The following PLCB4 variants were observed in gnomAD, a reference collection of about 807,000 sequenced individuals.
PLCB4 encodes the protein 1-phosphatidylinositol 4,5-bisphosphate phosphodiesterase beta-4.
Under a neutral mutation model 178.8 loss-of-function variants are expected in PLCB4, and 77 were observed. The ratio of observed to expected loss-of-function variants is 0.43; its 90% CI spans 0.36 to 0.52. PLCB4 has a LOEUF of 0.52. Ranked by LOEUF, PLCB4 falls within the 20% of genes least tolerant of loss-of-function variation. The probability of loss-of-function intolerance (pLI) is 0.00; values close to 1 mark genes in which losing one functional copy is unlikely to be tolerated. For synonymous variants in PLCB4, 496 were observed against 490.8 expected (o/e 1.01, Z -0.14); for missense variants, 1,024 against 1,453.4 (o/e 0.70, Z 4.80).
At chr20:9,226,341 T>C (rs1337273412) in intron 3 of PLCB4, among the ~76,000 whole-genome samples, 1 of 152,122 alleles carries the variant, frequency 6.6e-6, no homozygotes, top group Non-Finnish European at 1.5e-5. Flanking sequence ...GCATTGGAGG[T>C]ATGTTAAAGA....
intron 20 of PLCB4, among the ~76,000 whole-genome samples, chr20:9,403,142 A>G (rs1339459958): frequency 1.3e-5 from 2 of 152,198 alleles, no homozygotes; most frequent in Non-Finnish European, 2.9e-5. Flanking sequence ...CTGGTATATT[A>G]TCATCCTTTT....
intron 3 of PLCB4, among the ~76,000 whole-genome samples, chr20:9,242,680 G>T (rs996646159): frequency 6.6e-6 from 1 of 152,178 alleles, no homozygotes; most frequent in African/African-American, 2.4e-5. Flanking sequence ...GATTGGAGGT[G>T]CCTCTTTCTT....
At chr20:9,428,312 G>T (rs899592638) in intron 28 of PLCB4, among the ~76,000 whole-genome samples, 7 of 152,092 alleles carry the variant, frequency 4.6e-5, no homozygotes, top group Non-Finnish European at 2.9e-5. Context: ...GGCCTTTTCT[G>T]TACTACAGAA....
intron 3 of PLCB4, among the ~76,000 whole-genome samples, chr20:9,245,535 C>A (rs1020217605): frequency 1.8e-4 from 28 of 152,038 alleles, no homozygotes; most frequent in African/African-American, 6.0e-4. Flanking sequence ...GTGAGACCCA[C>A]AAAGAGGAGA....
intron 2 of PLCB4, among the ~76,000 whole-genome samples, chr20:9,206,292 CTTTTTTCTTTTTTTTTT>C (rs1207013545): frequency 1.1e-5 from 1 of 90,970 alleles, no homozygotes; most frequent in Non-Finnish European, 2.2e-5. Context: ...CCTTTTTTTT[CTTTTTTCTTTTTTTTTT>C]TTTTTTTTTT....
chr20:9,078,065 T>C (rs988665613), intron 1 of PLCB4, among the ~76,000 whole-genome samples: 2 of 152,132 alleles, frequency 1.3e-5, no homozygotes, highest in Non-Finnish European at 2.9e-5. Context: ...CACTGCAGCC[T>C]CATCTTCTGG....
chr20:9,102,744 G>GA (rs145521532), intron 2 of PLCB4, among the ~76,000 whole-genome samples: 3,354 of 152,164 alleles, frequency 0.022, 113 homozygotes, highest in African/African-American at 0.075. Context: ...CATATTTGGG[G>GA]GGGGGCTATA....
At chr20:9,358,467 G>A (rs942054465) in intron 7 of PLCB4, among the ~76,000 whole-genome samples, 1 of 152,144 alleles carries the variant, frequency 6.6e-6, no homozygotes, top group Admixed American at 6.6e-5. Flanking sequence ...GACTAAAGAC[G>A]AAAAATAATT....
chr20:9,230,474 T>A (rs1387431082), intron 3 of PLCB4, among the ~76,000 whole-genome samples: 1 of 152,098 alleles, frequency 6.6e-6, no homozygotes, highest in Non-Finnish European at 1.5e-5. Flanking sequence ...GGGGAATCTG[T>A]AGACTGAAAA....
intron 4 of PLCB4, among the ~76,000 whole-genome samples, chr20:9,313,734 A>C (rs1182955463): frequency 1.3e-5 from 2 of 152,194 alleles, no homozygotes; most frequent in Admixed American, 1.3e-4. Context: ...TGCAGTAAGT[A>C]CTGGCTTCAT....
intron 9 of PLCB4, among the ~76,000 whole-genome samples, chr20:9,369,788 A>G (rs1398167025): frequency 6.6e-6 from 1 of 152,218 alleles, no homozygotes; most frequent in African/African-American, 2.4e-5. Flanking sequence ...CAGCACTCTC[A>G]TTCAGAACTT....
intron 2 of PLCB4, among the ~76,000 whole-genome samples, chr20:9,208,427 G>A (rs2093637241): frequency 6.6e-6 from 1 of 151,898 alleles, no homozygotes; most frequent in African/African-American, 2.4e-5. Context: ...AACCAAACAT[G>A]TTTCTGAAGG....
intron 4 of PLCB4, among the ~76,000 whole-genome samples, chr20:9,323,706 C>T (rs2029875452): frequency 6.6e-6 from 1 of 152,134 alleles, no homozygotes; most frequent in Non-Finnish European, 1.5e-5. Context: ...CCAGGAGTCC[C>T]CTCATTGGAC....
intron 27 of PLCB4, 112 bp downstream of exon 27, chr20:9,421,573 T>G: frequency 1.2e-6 from 1 of 818,078 alleles, no homozygotes; most frequent in Non-Finnish European, 2.0e-6. Context: ...ATCTTCTTTT[T>G]CTCTTCTCCT....
chr20:9,417,971 T>C (rs2040368638), intron 25 of PLCB4, among the ~76,000 whole-genome samples: 1 of 152,184 alleles, frequency 6.6e-6, no homozygotes, highest in African/African-American at 2.4e-5. Flanking sequence ...AGACATCTTT[T>C]TATGTGCTTC....
At chr20:9,144,165 C>A (rs538403952) in intron 2 of PLCB4, among the ~76,000 whole-genome samples, 5 of 152,152 alleles carry the variant, frequency 3.3e-5, no homozygotes, top group Non-Finnish European at 7.4e-5. Context: ...GAAATAAATT[C>A]TTGAAAGTTT....
chr20:9,315,013 A>C (rs946909809), intron 4 of PLCB4, among the ~76,000 whole-genome samples: 2 of 152,064 alleles, frequency 1.3e-5, no homozygotes, highest in African/African-American at 2.4e-5. Flanking sequence ...CTGGGATTAC[A>C]AGCATGTGCC....
At chr20:9,420,869 T>C (rs998743085) in intron 26 of PLCB4, among the ~76,000 whole-genome samples, 5 of 152,256 alleles carry the variant, frequency 3.3e-5, no homozygotes, top group African/African-American at 1.2e-4. Context: ...TAGCTTCACT[T>C]TTCTGTGTGT....
intron 2 of PLCB4, among the ~76,000 whole-genome samples, chr20:9,170,452 T>C (rs1160393728): frequency 6.6e-6 from 1 of 152,088 alleles, no homozygotes; most frequent in Admixed American, 6.6e-5. Context: ...ATAACATAAA[T>C]AGAGATGCAA....
Sources: gnomAD v4.1 joint callset for allele counts (sites outside exome capture counted in the v4.1 genomes callset) on GRCh38, gnomAD v4.1.1 for gene constraint, MANE v1.5 for transcripts, NCBI Gene and HGNC (gene_info 2026-07-23, HGNC 2026-07-21) for gene names.